Variants in AGBL1 observed in about 807,000 individuals in gnomAD.
AGBL1 encodes cytosolic carboxypeptidase 4.
Under a neutral mutation model 118.9 loss-of-function variants are expected in AGBL1, and 130 were observed. That is an observed-to-expected ratio of 1.09 (90% CI 0.95 to 1.26). AGBL1 has a LOEUF of 1.26. Among genes scored for constraint, AGBL1 ranks in the 50% most tolerant of loss-of-function variants. The pLI, the probability that AGBL1 is intolerant of heterozygous loss-of-function variation, is 0.00. For missense variants in AGBL1, 1,584 were observed against 1,298.1 expected (o/e 1.22, Z -3.38); for synonymous variants, 555 against 478.9 (o/e 1.16, Z -2.08).
intron 24 of AGBL1, among the ~76,000 whole-genome samples, chr15:86,995,378 C>T (rs1415443329): frequency 6.6e-6 from 1 of 151,984 alleles, no homozygotes; most frequent in Non-Finnish European, 1.5e-5. Flanking sequence ...AGAGCGAGAA[C>T]CTGTCTCAAA....
rs759191613 is a variant in AGBL1, at chr15:86,397,371, C to A, written c.2380C>A (p.Arg794Ser). The change falls in exon 18 of 23, where the codon CGT becomes AGT. Residue 794 changes from arginine (R) to serine (S), a missense_variant. Transcript: ENST00000614907. The part of the protein sequence containing the change: ...SDEHLEQFRH[R>S]PYQVITARVH... ...TTATGTCCCTTTTTCTGCAGGACAT[C>A]GTCCATATCAGGTGATCACTGCTCG... 3.9e-6 allele frequency: 6 copies of A among 1,553,520 alleles called. 1 individual carries two copies. The East Asian group carries it at 1.4e-4, about 35-fold the overall frequency.
intron 21 of AGBL1, among the ~76,000 whole-genome samples, chr15:86,612,010 G>GA (rs1324066035): frequency 1.1e-4 from 17 of 152,144 alleles, no homozygotes; most frequent in Admixed American, 1.1e-3. Flanking sequence ...CAGTTCAAAG[G>GA]AATTTAACAA....
chr15:86,641,412 T>C, intron 21 of AGBL1, among the ~76,000 whole-genome samples: 1 of 151,560 alleles, frequency 6.6e-6, no homozygotes, highest in Admixed American at 6.6e-5. Flanking sequence ...TCAATTTTTT[T>C]TAAAAAAAAA....
chr15:86,702,388 A>C (rs575089188), intron 22 of AGBL1, among the ~76,000 whole-genome samples: 258 of 152,312 alleles, frequency 1.7e-3, no homozygotes, highest in Non-Finnish European at 2.9e-3. Context: ...AGTGTTATGT[A>C]GTCAGTCCCT....
chr15:86,119,069 G>T (rs1250639945), intron 1 of AGBL1, among the ~76,000 whole-genome samples: 1 of 152,140 alleles, frequency 6.6e-6, no homozygotes, highest in Non-Finnish European at 1.5e-5. Context: ...GGTCCAAAGT[G>T]CTTGCTCCTT....
intron 18 of AGBL1, among the ~76,000 whole-genome samples, chr15:86,514,573 G>A (rs966588055): frequency 1.3e-5 from 2 of 152,038 alleles, no homozygotes; most frequent in Admixed American, 1.3e-4. Flanking sequence ...TCTTGTGTTT[G>A]ATTATATTTA....
intron 22 of AGBL1, among the ~76,000 whole-genome samples, chr15:86,728,609 A>G (rs1466454393): frequency 2.6e-5 from 4 of 152,222 alleles, no homozygotes; most frequent in Non-Finnish European, 4.4e-5. Context: ...GAATTCTGAT[A>G]TTATGCTCAT....
At chr15:86,670,467 G>A (rs776494796) in intron 21 of AGBL1, among the ~76,000 whole-genome samples, 7 of 151,732 alleles carry the variant, frequency 4.6e-5, no homozygotes, top group Non-Finnish European at 8.8e-5. Flanking sequence ...AGCTGGGTGT[G>A]GTGGCAGGTA....
intron 21 of AGBL1, among the ~76,000 whole-genome samples, chr15:86,585,868 T>A (rs2084240061): frequency 1.3e-5 from 2 of 152,176 alleles, no homozygotes; most frequent in Non-Finnish European, 2.9e-5. Flanking sequence ...AGCAAATTCA[T>A]AACAATGGTG....
chr15:86,969,189 G>C (rs1184668057), intron 23 of AGBL1, among the ~76,000 whole-genome samples: 1 of 151,940 alleles, frequency 6.6e-6, no homozygotes, highest in Non-Finnish European at 1.5e-5. Context: ...AATCAGGTGT[G>C]GGTGAGACTC....
At chr15:86,483,245 T>A (rs573119628) in intron 18 of AGBL1, among the ~76,000 whole-genome samples, 1 of 152,140 alleles carries the variant, frequency 6.6e-6, no homozygotes, top group Admixed American at 6.6e-5. Flanking sequence ...TCACTGTACA[T>A]CCTCTGTAGA....
At chr15:86,416,963 A>G (rs1266300142) in intron 18 of AGBL1, among the ~76,000 whole-genome samples, 2 of 152,196 alleles carry the variant, frequency 1.3e-5, no homozygotes, top group East Asian at 3.9e-4. Flanking sequence ...TCTTATCCCT[A>G]TTATTCCACA....
chr15:86,994,400 G>C (rs987110358), intron 24 of AGBL1, among the ~76,000 whole-genome samples: 4 of 152,100 alleles, frequency 2.6e-5, no homozygotes, highest in African/African-American at 7.2e-5. Context: ...CAGAGTGTTA[G>C]ACGCCAACTG....
At chr15:86,364,958 C>CACAT (rs1474501613) in intron 17 of AGBL1, among the ~76,000 whole-genome samples, 21 of 76,136 alleles carry the variant, frequency 2.8e-4, no homozygotes, top group Non-Finnish European at 5.3e-4. Flanking sequence ...ATATGTCACA[C>CACAT]ATATATATAT....
intron 6 of AGBL1, among the ~76,000 whole-genome samples, chr15:86,225,980 T>A (rs2078355542): frequency 6.6e-6 from 1 of 152,102 alleles, no homozygotes; most frequent in Non-Finnish European, 1.5e-5. Flanking sequence ...CAAGTCCACA[T>A]CTGTGGACTT....
intron 17 of AGBL1, among the ~76,000 whole-genome samples, chr15:86,393,541 G>C (rs577574877): frequency 6.6e-6 from 1 of 152,106 alleles, no homozygotes; most frequent in East Asian, 1.9e-4. Flanking sequence ...TCTTTATTTC[G>C]AAACAAGCTT....
chr15:86,134,604 CTTTT>C lies in AGBL1; in HGVS notation c.52-7376_52-7373del, dbSNP rs141645590. Among the ~76,000 whole-genome samples the C allele has an allele frequency of 9.2e-3, 778 of 84,556 alleles. 3 individuals carry two copies. The highest frequency in any genetic ancestry group is 0.018 in the African/African-American group (453 of 25,242). 55.5% of individuals were successfully genotyped at this position (84,556 alleles called of 152,430 possible). On this transcript the variant is annotated intron_variant, in intron 1 of 22. Coordinates refer to ENST00000614907, the MANE Select transcript of AGBL1 (RefSeq NM_001386094.1). The stretch of plus-strand genomic sequence containing the variant: ...TAAGACTGTGATGGATCAATGGTGC[CTTTT>C]TTTTTTTTTTTTTTTTTTTTTTTGA...
At chr15:86,601,051 G>C (rs1180420363) in intron 21 of AGBL1, among the ~76,000 whole-genome samples, 2 of 152,104 alleles carry the variant, frequency 1.3e-5, no homozygotes, top group African/African-American at 4.8e-5. Flanking sequence ...AATACCCTAG[G>C]ATTGGTGGTA....
At chr15:86,541,914 G>T (rs980768570) in intron 19 of AGBL1, among the ~76,000 whole-genome samples, 3 of 152,076 alleles carry the variant, frequency 2.0e-5, no homozygotes, top group African/African-American at 7.2e-5. Context: ...GCACACAAAA[G>T]AATTACAAGA....
Sources: allele counts gnomAD v4.1 joint callset (sites outside exome capture counted in the v4.1 genomes callset), GRCh38; gene constraint gnomAD v4.1.1; transcripts MANE v1.5; gene names NCBI Gene and HGNC (gene_info 2026-07-23, HGNC 2026-07-21).